The following STK3 variants were observed in gnomAD, a reference collection of about 807,000 sequenced individuals.
The protein encoded by STK3 is serine/threonine-protein kinase 3.
STK3 carries 41 observed loss-of-function variants against 58.0 expected under a neutral mutation model. That is an observed-to-expected ratio of 0.71 (90% CI 0.55 to 0.92). The LOEUF (loss-of-function observed/expected upper bound fraction) is 0.92, where lower values mean the gene tolerates loss of function less well. Among genes scored for constraint, STK3 ranks in the 40% least tolerant of loss-of-function variants. The pLI, the probability that STK3 is intolerant of heterozygous loss-of-function variation, is 0.00. For missense variants in STK3, 479 were observed against 602.7 expected (o/e 0.79, Z 2.15); for synonymous variants, 170 against 191.0 (o/e 0.89, Z 0.91).
chr8:98,675,271 T>C (rs1025114704), intron 6 of STK3, among the ~76,000 whole-genome samples: 1 of 152,254 alleles, frequency 6.6e-6, no homozygotes. Context: ...AGAATTGTTA[T>C]ATTAAAAATA....
intron 6 of STK3, among the ~76,000 whole-genome samples, chr8:98,677,663 G>A (rs1823327767): frequency 6.6e-6 from 1 of 151,906 alleles, no homozygotes; most frequent in South Asian, 2.1e-4. Context: ...TTTCTCCCTT[G>A]GCTGAAACTC....
At chr8:98,344,727 A>C in the STK3 span, among the ~76,000 whole-genome samples, 1 of 151,362 alleles carries the variant, frequency 6.6e-6, no homozygotes, top group Non-Finnish European at 1.5e-5. Flanking sequence ...CCCCGTCTCT[A>C]CTAAAAATAC....
At position 98,800,712 on chromosome 8, in the gene STK3, G is replaced by A. The variant is rs749814359; in HGVS notation, c.26+24803C>T. Among the ~76,000 whole-genome samples, 2 of 152,210 alleles carry A rather than the reference G, an allele frequency of 1.3e-5. No homozygotes were observed. Among genetic ancestry groups the A allele is most frequent in the Non-Finnish European group, 2.9e-5 (2 of 68,038 alleles). On this transcript the variant is annotated intron_variant, in intron 1 of 10. Transcript: ENST00000419617. This position sits in a 1 kb window ranked among gnomAD's most constrained non-coding sequence, Gnocchi z 4.8. ...CAGCTGATGCCGCCAGCCCTGGGCA[G>A]TGAAGGGCTTAGCACCCGGGCCAGC...
chr8:98,822,936 G>A (rs902886896), intron 1 of STK3, among the ~76,000 whole-genome samples: 8 of 152,232 alleles, frequency 5.3e-5, no homozygotes, highest in African/African-American at 1.7e-4. Context: ...GCTGAGGGAC[G>A]AGAATCGCTT....
chr8:98,717,913 G>T (rs546897127), intron 4 of STK3, among the ~76,000 whole-genome samples: 3 of 152,308 alleles, frequency 2.0e-5, no homozygotes, highest in East Asian at 1.9e-4. Context: ...GCTGAACCTT[G>T]AGTACATTAT....
intron 8 of STK3, among the ~76,000 whole-genome samples, chr8:98,559,518 C>T (rs945893506): frequency 1.3e-5 from 2 of 152,118 alleles, no homozygotes; most frequent in African/African-American, 4.8e-5. Flanking sequence ...GCAACCTACA[C>T]TTTTCTTTAA....
At chr8:98,695,543 A>C (rs199849654) in intron 6 of STK3, among the ~76,000 whole-genome samples, 69 of 152,272 alleles carry the variant, frequency 4.5e-4, no homozygotes, top group East Asian at 7.7e-4. Flanking sequence ...AGGAAGGGAT[A>C]CAGTTTCAGC....
chr8:98,389,667 G>A (rs2131010967), upstream of STK3, among the ~76,000 whole-genome samples: 1 of 151,268 alleles, frequency 6.6e-6, no homozygotes, highest in South Asian at 2.1e-4. Context: ...GCATACCTGT[G>A]GACAGCTTCC....
intron 1 of STK3, among the ~76,000 whole-genome samples, chr8:98,933,568 T>A (rs1307638481): frequency 2.0e-5 from 3 of 152,222 alleles, no homozygotes; most frequent in Admixed American, 6.5e-5. Flanking sequence ...TAATAGGAAC[T>A]ATCTATCCAA....
At chr8:98,543,660 G>C (rs1489684585) in intron 9 of STK3, among the ~76,000 whole-genome samples, 1 of 152,114 alleles carries the variant, frequency 6.6e-6, no homozygotes, top group Admixed American at 6.6e-5. Context: ...TTTCTGTAAA[G>C]TAGGGAGCAA....
intron 6 of STK3, among the ~76,000 whole-genome samples, chr8:98,667,066 T>C (rs1366412869): frequency 6.6e-6 from 1 of 152,186 alleles, no homozygotes; most frequent in Admixed American, 6.5e-5. Flanking sequence ...ATTTTTTCCA[T>C]TGTTGCTGTC....
intron 1 of STK3, among the ~76,000 whole-genome samples, chr8:98,916,140 C>T (rs1377596105): frequency 1.3e-5 from 2 of 152,244 alleles, no homozygotes; most frequent in East Asian, 3.9e-4. Flanking sequence ...ACTGGCCCGT[C>T]GTGGTGGCTC....
At chr8:98,609,929 C>T (rs1177215828) in intron 6 of STK3, among the ~76,000 whole-genome samples, 5 of 149,868 alleles carry the variant, frequency 3.3e-5, no homozygotes, top group Non-Finnish European at 5.9e-5. Flanking sequence ...ATCGCACCAC[C>T]GCACTCCAGC....
intron 1 of STK3, among the ~76,000 whole-genome samples, chr8:98,893,562 G>A (rs1838340770): frequency 1.3e-5 from 2 of 150,442 alleles, no homozygotes; most frequent in African/African-American, 4.9e-5. Flanking sequence ...GAGAAAGAGA[G>A]AGGGAGGGAG....
At chr8:98,398,315 A>C (rs1400192753), downstream of STK3, among the ~76,000 whole-genome samples, 1 of 152,150 alleles carries the variant, frequency 6.6e-6, no homozygotes, top group East Asian at 1.9e-4. Context: ...GACTTACCAA[A>C]GTTAAGGAAC....
At chr8:98,346,249 C>T in the STK3 span, among the ~76,000 whole-genome samples, 7 of 148,128 alleles carry the variant, frequency 4.7e-5, no homozygotes, top group Middle Eastern at 3.2e-3. Context: ...CACGCCATTG[C>T]ACTTCGGCCT....
At chr8:98,775,966 G>A (rs1390217502) in intron 1 of STK3, among the ~76,000 whole-genome samples, 1 of 152,008 alleles carries the variant, frequency 6.6e-6, no homozygotes, top group African/African-American at 2.4e-5. Context: ...TTTAAGAAAA[G>A]ACACATTAAT....
intron 3 of STK3, among the ~76,000 whole-genome samples, chr8:98,870,598 C>G (rs138281301): frequency 0.038 from 5,798 of 152,246 alleles, 139 homozygotes; most frequent in South Asian, 0.067. Context: ...GGCCAGTGAT[C>G]ATGAGCATTT....
chr8:98,573,961 C>T (rs1290599881), intron 8 of STK3, among the ~76,000 whole-genome samples: 2 of 152,058 alleles, frequency 1.3e-5, no homozygotes, highest in Non-Finnish European at 1.5e-5. Flanking sequence ...ATAAAACCAT[C>T]AGACCTCATG....
Sources: gnomAD v4.1 joint callset for allele counts (sites outside exome capture counted in the v4.1 genomes callset) on GRCh38, gnomAD v4.1.1 for gene constraint, Gnocchi (gnomAD v3.1) non-coding constraint, MANE v1.5 for transcripts, NCBI Gene and HGNC (gene_info 2026-07-23, HGNC 2026-07-21) for gene names.